RGS6: variants seen among roughly 807,000 people sequenced by gnomAD.
RGS6 encodes the protein regulator of G-protein signaling 6.
Under a neutral mutation model 78.5 loss-of-function variants are expected in RGS6, and 30 were observed. The observed-to-expected ratio is 0.38, with a 90% confidence interval of 0.29 to 0.52. The LOEUF is 0.52. Ranked by LOEUF, RGS6 falls within the 20% of genes least tolerant of loss-of-function variation. The pLI, the probability that RGS6 is intolerant of heterozygous loss-of-function variation, is 0.85. For synonymous variants in RGS6, 206 were observed against 206.0 expected (o/e 1.00, Z 0.00); for missense variants, 495 against 609.7 (o/e 0.81, Z 1.98).
chr14:72,117,434 C>T (rs528440320), intron 2 of RGS6, among the ~76,000 whole-genome samples: 4 of 152,214 alleles, frequency 2.6e-5, no homozygotes, highest in Non-Finnish European at 2.9e-5. Context: ...TTGGCTCCCC[C>T]CCACCCTTCA....
intron 17 of RGS6, among the ~76,000 whole-genome samples, chr14:72,553,514 C>G (rs1003706869): frequency 6.6e-6 from 1 of 152,152 alleles, no homozygotes; most frequent in Admixed American, 6.5e-5. Flanking sequence ...TCGGCAGCAC[C>G]CATTTCTTGG....
chr14:71,872,824 A>G, the RGS6 span, among the ~76,000 whole-genome samples: 1 of 152,064 alleles, frequency 6.6e-6, no homozygotes, highest in Non-Finnish European at 1.5e-5. Flanking sequence ...CCCGTGTGTG[A>G]TATTCCCCAT....
intron 2 of RGS6, among the ~76,000 whole-genome samples, chr14:72,080,179 A>G (rs945048400): frequency 1.3e-5 from 2 of 152,040 alleles, no homozygotes; most frequent in Non-Finnish European, 2.9e-5. Context: ...CCTTTTCTCT[A>G]TATCCTAGCC....
the RGS6 span, among the ~76,000 whole-genome samples, chr14:71,886,516 A>G: frequency 6.6e-6 from 1 of 152,214 alleles, no homozygotes; most frequent in African/African-American, 2.4e-5. Context: ...CTTCTGTCTA[A>G]GGTGTATTTG....
At chr14:72,525,738 A>G (rs963814226) in intron 15 of RGS6, among the ~76,000 whole-genome samples, 1 of 152,200 alleles carries the variant, frequency 6.6e-6, no homozygotes, top group Admixed American at 6.5e-5. Flanking sequence ...CCAGTATCAC[A>G]AGACCACACC....
At chr14:72,199,917 T>C (rs1338691620) in intron 2 of RGS6, among the ~76,000 whole-genome samples, 2 of 152,216 alleles carry the variant, frequency 1.3e-5, no homozygotes, top group East Asian at 3.8e-4. Context: ...CTGTGGCTGC[T>C]TTCACACTAT....
intron 13 of RGS6, among the ~76,000 whole-genome samples, chr14:72,503,831 A>G (rs2096761902): frequency 6.6e-6 from 1 of 152,174 alleles, no homozygotes; most frequent in Non-Finnish European, 1.5e-5. Context: ...CATCATCCCC[A>G]CAGCTTGGTG....
chr14:72,097,372 C>A (rs1178282602), intron 2 of RGS6, among the ~76,000 whole-genome samples: 1 of 148,288 alleles, frequency 6.7e-6, no homozygotes, highest in Admixed American at 6.8e-5. Flanking sequence ...GCCAAGAACA[C>A]AGGGTTACAG....
the RGS6 span, among the ~76,000 whole-genome samples, chr14:72,590,005 A>G: frequency 6.6e-6 from 1 of 152,222 alleles, no homozygotes; most frequent in South Asian, 2.1e-4. Context: ...ACTTCTAAAA[A>G]GAAGATAGGC....
At chr14:72,452,415 AG>A (rs1224127230) in intron 3 of RGS6, among the ~76,000 whole-genome samples, 2 of 152,208 alleles carry the variant, frequency 1.3e-5, no homozygotes, top group Admixed American at 1.3e-4. Context: ...TGGGGCACAC[AG>A]GAGGATGAGG....
At chr14:72,624,247 G>GA in the RGS6 span, among the ~76,000 whole-genome samples, 1 of 150,858 alleles carries the variant, frequency 6.6e-6, no homozygotes, top group African/African-American at 2.4e-5. Context: ...GCAGAATTAC[G>GA]AAAATCAGAA....
chr14:72,587,117 T>C, the RGS6 span, among the ~76,000 whole-genome samples: 42 of 152,288 alleles, frequency 2.8e-4, 1 homozygote, highest in East Asian at 7.3e-3. Flanking sequence ...CAGCCACGTC[T>C]CTGTGTTTCT....
intron 3 of RGS6, among the ~76,000 whole-genome samples, chr14:72,352,584 C>T (rs1217657708): frequency 6.6e-6 from 1 of 152,194 alleles, no homozygotes; most frequent in Non-Finnish European, 1.5e-5. Context: ...TTTTTTAACT[C>T]AGTGTACTTG....
chr14:72,442,291 G>A (rs1014778487), intron 3 of RGS6, among the ~76,000 whole-genome samples: 1 of 152,078 alleles, frequency 6.6e-6, no homozygotes, highest in African/African-American at 2.4e-5. Context: ...TAGATGTCAT[G>A]GAGTCCTGTT....
At chr14:72,198,011 T>C (rs1413132230) in intron 2 of RGS6, among the ~76,000 whole-genome samples, 1 of 152,134 alleles carries the variant, frequency 6.6e-6, no homozygotes, top group Non-Finnish European at 1.5e-5. Context: ...ATCTCAGTCC[T>C]CTTCAGTATA....
intron 2 of RGS6, among the ~76,000 whole-genome samples, chr14:72,173,963 TGCTGTGCCTGGAACACACTG>T (rs915842117): frequency 2.8e-4 from 43 of 152,220 alleles, no homozygotes; most frequent in African/African-American, 6.0e-4. Context: ...CAGCCTCTTA[TGCTGTGCCTGGAACACACTG>T]GCAGACCCCT....
intron 2 of RGS6, among the ~76,000 whole-genome samples, chr14:72,297,581 C>A (rs1370677172): frequency 1.7e-5 from 2 of 119,288 alleles, no homozygotes; most frequent in Non-Finnish European, 3.4e-5. Context: ...CCCCTCCCCC[C>A]ACCCCACCAC....
chr14:72,072,313 G>GT lies in RGS6; in HGVS notation c.84+107452dup, dbSNP rs1180674409. ...TTGTTTGTGTGTGTGTAGTTTGTTT[G>GT]TTTTTTTTTTTTTTGAGATGGAGTC... is the stretch of plus-strand genomic sequence containing the variant. On this transcript the variant is annotated intron_variant, in intron 2 of 17. Transcript: ENST00000553525. Among the ~76,000 whole-genome samples the GT allele has an allele frequency of 8.4e-3, 1,176 of 140,520 alleles. 6 individuals carry two copies. The highest frequency in any genetic ancestry group is 0.019 in the Middle Eastern group (5 of 270). The allele number at this position is 140,520 out of a possible 152,430, so 92.2% of individuals were successfully genotyped here.
intron 3 of RGS6, among the ~76,000 whole-genome samples, chr14:72,445,260 G>T (rs1277923794): frequency 6.6e-6 from 1 of 152,300 alleles, no homozygotes; most frequent in East Asian, 1.9e-4. Context: ...GGTGCAGTCG[G>T]CTTACTACAA....
Sources: allele counts gnomAD v4.1 joint callset (sites outside exome capture counted in the v4.1 genomes callset), GRCh38; gene constraint gnomAD v4.1.1; transcripts MANE v1.5; gene names NCBI Gene and HGNC (gene_info 2026-07-23, HGNC 2026-07-21).